Variants in SGCZ observed in about 807,000 individuals in gnomAD.
The protein encoded by SGCZ is sarcoglycan zeta.
SGCZ carries 40 observed loss-of-function variants against 41.3 expected under a neutral mutation model. The observed-to-expected ratio is 0.97, with a 90% confidence interval of 0.75 to 1.26. The LOEUF (loss-of-function observed/expected upper bound fraction) is 1.26. Ranked by LOEUF, SGCZ falls within the 50% of genes most tolerant of loss-of-function variation. The pLI is 0.00. For synonymous variants in SGCZ, 206 were observed against 137.5 expected, an observed-to-expected ratio of 1.50 and a Z score of -3.49; for missense variants, 552 against 369.8, an observed-to-expected ratio of 1.49 and a Z score of -4.04.
chr8:14,680,374 A>G (rs28417805), intron 1 of SGCZ, among the ~76,000 whole-genome samples: 30,227 of 152,100 alleles, frequency 0.2, 3,653 homozygotes, highest in East Asian at 0.44. Flanking sequence ...ATATGTCAGT[A>G]TAGGTTAACC....
chr8:15,161,168 T>C (rs1180763248), intron 1 of SGCZ, among the ~76,000 whole-genome samples: 2 of 152,080 alleles, frequency 1.3e-5, no homozygotes, highest in Non-Finnish European at 2.9e-5. Flanking sequence ...TCCAACCCCA[T>C]TGAACTCTCT....
At chr8:14,675,675 G>A (rs1186958400) in intron 1 of SGCZ, among the ~76,000 whole-genome samples, 1 of 152,116 alleles carries the variant, frequency 6.6e-6, no homozygotes, top group Non-Finnish European at 1.5e-5. Flanking sequence ...GAAAGAGAGG[G>A]ACAGAAACAC....
intron 6 of SGCZ, among the ~76,000 whole-genome samples, chr8:14,107,942 C>A (rs1258097978): frequency 2.0e-5 from 3 of 152,264 alleles, no homozygotes; most frequent in South Asian, 4.1e-4. Context: ...CGTGCCCGGC[C>A]TCAGGATCCC....
intron 1 of SGCZ, among the ~76,000 whole-genome samples, chr8:14,579,925 A>G (rs897102811): frequency 2.0e-5 from 3 of 152,138 alleles, no homozygotes; most frequent in African/African-American, 7.2e-5. Context: ...GAGAGTGTGA[A>G]GGTTTAAGAT....
At chr8:14,337,082 T>C (rs1263980763) in intron 2 of SGCZ, among the ~76,000 whole-genome samples, 3 of 152,138 alleles carry the variant, frequency 2.0e-5, no homozygotes, top group Non-Finnish European at 4.4e-5. Context: ...GTAAGCCCTT[T>C]CAAGTATCTC....
In SGCZ at chr8:15,006,927, AAGG is replaced by A. The variant is rs1257128108; in HGVS notation, c.39+230655_39+230657del. On this transcript the variant is annotated intron_variant, in intron 1 of 7. Transcript: ENST00000382080. ...GTTGACTTTTGTATATTGAAATATCAAGGAGAACAGTGCTGTGCCATGCATTTG... is the reference window on the plus strand; with the variant it reads ...GTTGACTTTTGTATATTGAAATATCAAGAACAGTGCTGTGCCATGCATTTG... Among the ~76,000 whole-genome samples, 9 of 152,324 alleles carry A rather than the reference AAGG, an allele frequency of 5.9e-5. No homozygotes were observed. In the East Asian group the frequency reaches 1.7e-3, roughly 29 times the overall value.
chr8:14,800,514 C>G (rs1801287758), intron 1 of SGCZ, among the ~76,000 whole-genome samples: 1 of 152,132 alleles, frequency 6.6e-6, no homozygotes, highest in African/African-American at 2.4e-5. Flanking sequence ...TTGTAATTCA[C>G]AGGTTTTGGA....
chr8:15,034,238 G>A (rs764582405), intron 1 of SGCZ, among the ~76,000 whole-genome samples: 32 of 151,934 alleles, frequency 2.1e-4, no homozygotes, highest in Non-Finnish European at 1.5e-5. Flanking sequence ...AATAATAAGT[G>A]GCCAAAATAA....
At chr8:14,126,526 T>A (rs563816313) in intron 5 of SGCZ, among the ~76,000 whole-genome samples, 119 of 152,330 alleles carry the variant, frequency 7.8e-4, no homozygotes, top group South Asian at 1.2e-3. Flanking sequence ...AGGAATACTT[T>A]TCCACTGTTG....
intron 1 of SGCZ, among the ~76,000 whole-genome samples, chr8:15,015,627 G>A (rs577325285): frequency 6.9e-6 from 1 of 143,980 alleles, no homozygotes; most frequent in Admixed American, 7.3e-5. Context: ...GGCAGAGCTT[G>A]CAGTGAGCCG....
intron 3 of SGCZ, among the ~76,000 whole-genome samples, chr8:14,296,874 C>G (rs969168276): frequency 1.1e-4 from 16 of 151,950 alleles, no homozygotes; most frequent in African/African-American, 2.9e-4. Context: ...TATTTGTAAA[C>G]AGATACAAAA....
intron 1 of SGCZ, among the ~76,000 whole-genome samples, chr8:14,779,501 T>G (rs1441947): frequency 0.17 from 26,565 of 152,206 alleles, 2,487 homozygotes; most frequent in Middle Eastern, 0.23. Context: ...ATTTGCTTAC[T>G]GAGTTGCTTC....
intron 2 of SGCZ, among the ~76,000 whole-genome samples, chr8:14,464,597 C>G (rs189204360): frequency 6.8e-6 from 1 of 146,722 alleles, no homozygotes; most frequent in Admixed American, 6.9e-5. Flanking sequence ...TTTTGTTTAT[C>G]TCTGCTTTAG....
At chr8:14,784,634 C>T (rs1800696452) in intron 1 of SGCZ, among the ~76,000 whole-genome samples, 1 of 151,624 alleles carries the variant, frequency 6.6e-6, no homozygotes, top group Non-Finnish European at 1.5e-5. Flanking sequence ...TTAGATCATG[C>T]TTGTAATCTA....
At chr8:15,098,797 G>A (rs1299433219) in intron 1 of SGCZ, among the ~76,000 whole-genome samples, 2 of 152,158 alleles carry the variant, frequency 1.3e-5, no homozygotes, top group Non-Finnish European at 2.9e-5. Context: ...CATGGCTCAC[G>A]CCTGTAATCC....
At chr8:15,032,775 T>C (rs1425470570) in intron 1 of SGCZ, among the ~76,000 whole-genome samples, 1 of 151,964 alleles carries the variant, frequency 6.6e-6, no homozygotes, top group East Asian at 1.9e-4. Flanking sequence ...CCTGCCCTAG[T>C]ACCAGGTCAG....
At chr8:15,147,977 A>G (rs1344905630) in intron 1 of SGCZ, among the ~76,000 whole-genome samples, 1 of 152,210 alleles carries the variant, frequency 6.6e-6, no homozygotes, top group Non-Finnish European at 1.5e-5. Context: ...TAGCCTCCTA[A>G]GTAGGTAAAC....
intron 1 of SGCZ, among the ~76,000 whole-genome samples, chr8:14,893,749 CAG>C (rs753161248): frequency 2.0e-5 from 3 of 152,158 alleles, no homozygotes; most frequent in Non-Finnish European, 4.4e-5. Flanking sequence ...ACCAAAGTCA[CAG>C]AGACTCTTAA....
Position 14,090,610 on chromosome 8 carries a change from G to A in SGCZ, c.772C>T (p.Leu258=). 1 of 1,611,734 alleles carries A rather than the reference G, an allele frequency of 6.2e-7. No homozygotes were observed. Among genetic ancestry groups the A allele is most frequent in the Non-Finnish European group, 8.5e-7 (1 of 1,179,142 alleles). The part of the protein sequence containing the change: ...EIFLNAETIK[L]GNLPTGSFSS... Reference sequence around the variant, plus strand: ...AAGGAGCCAGTTGGTAGATTTCCCAGCTTGATTGTCTCTGCATTTAAAAAT... The same window carrying A: ...AAGGAGCCAGTTGGTAGATTTCCCAACTTGATTGTCTCTGCATTTAAAAAT... Residue 258 remains leucine, a synonymous_variant, in exon 8 of 8, where the codon CTG becomes TTG. Coordinates refer to ENST00000382080, the MANE Select transcript of SGCZ (RefSeq NM_139167.4).
Sources: allele counts gnomAD v4.1 joint callset (sites outside exome capture counted in the v4.1 genomes callset), GRCh38; gene constraint gnomAD v4.1.1; transcripts MANE v1.5; gene names NCBI Gene and HGNC (gene_info 2026-07-23, HGNC 2026-07-21).